GNG4: variants seen among roughly 807,000 people sequenced by gnomAD.
GNG4 encodes the protein guanine nucleotide-binding protein G(I)/G(S)/G(O) subunit gamma-4.
GNG4 carries 4 observed loss-of-function variants against 5.8 expected under a neutral mutation model. The ratio of observed to expected loss-of-function variants is 0.69; its 90% CI spans 0.34 to 1.57. The LOEUF is 1.57. GNG4 is among the 40% of genes most tolerant of loss of function. GNG4 has a pLI of 0.06. For synonymous variants in GNG4, 29 were observed against 32.9 expected (o/e 0.88, Z 0.41); for missense variants, 96 against 95.1 (o/e 1.01, Z -0.04).
At chr1:235,590,221 G>A (rs1284315560) in intron 2 of GNG4, among the ~76,000 whole-genome samples, 12 of 152,116 alleles carry the variant, frequency 7.9e-5, no homozygotes, top group Admixed American at 3.9e-4. Context: ...TTGGGAGGCC[G>A]AGGTGGGTGG....
intron 3 of GNG4, among the ~76,000 whole-genome samples, chr1:235,574,556 C>T (rs958295615): frequency 6.6e-6 from 1 of 151,642 alleles, no homozygotes. Flanking sequence ...GGTATGTGTT[C>T]GAGCCACTCT....
rs1481647050 is a variant in GNG4 at position 235,642,431 on chromosome 1, T to C, written c.-123+7231A>G. ...ACACTGTGATTCCCCGACGTGGGCC[T>C]GCAGCAAGAGACGGGTGCTAACAGC... On this transcript the variant is annotated intron_variant, in intron 1 of 3. Coordinates refer to ENST00000391854, the MANE Select transcript of GNG4 (RefSeq NM_001098722.2). The surrounding 1 kb of genome is among the most constrained non-coding windows in gnomAD (Gnocchi z 4.3). Among the ~76,000 whole-genome samples, 2 of 152,182 alleles carry C rather than the reference T, an allele frequency of 1.3e-5. No individual in the cohort carries two copies. Among genetic ancestry groups the C allele is most frequent in the Non-Finnish European group, 2.9e-5 (2 of 68,032 alleles).
At chr1:235,593,320 A>AC (rs1558489253) in intron 2 of GNG4, among the ~76,000 whole-genome samples, 2 of 152,196 alleles carry the variant, frequency 1.3e-5, no homozygotes, top group African/African-American at 2.4e-5. Context: ...GGGCTGGGAG[A>AC]CCAATGCAAG....
chr1:235,554,736 T>C (rs1040531174), intron 3 of GNG4, among the ~76,000 whole-genome samples: 1 of 150,866 alleles, frequency 6.6e-6, no homozygotes, highest in African/African-American at 2.4e-5. Context: ...TCCCAGCTAC[T>C]CAGGAGGCTG....
At chr1:235,645,214 A>G (rs1657471563) in intron 1 of GNG4, among the ~76,000 whole-genome samples, 1 of 152,164 alleles carries the variant, frequency 6.6e-6, no homozygotes, top group Admixed American at 6.5e-5. Flanking sequence ...CCTGAGCCAC[A>G]GAGTCCTGCT....
chr1:235,634,656 T>C (rs1445290720), intron 1 of GNG4, among the ~76,000 whole-genome samples: 1 of 152,158 alleles, frequency 6.6e-6, no homozygotes, highest in African/African-American at 2.4e-5. Context: ...CTGCCTTCCT[T>C]TGCTGGCTGG....
intron 3 of GNG4, among the ~76,000 whole-genome samples, chr1:235,570,923 TACACAC>T (rs1553365414): frequency 1.0e-4 from 10 of 97,348 alleles, no homozygotes; most frequent in East Asian, 5.4e-4. Flanking sequence ...CATATATATA[TACACAC>T]ACACACACAC....
At position 235,648,104 on chromosome 1, in the gene GNG4, G is replaced by A. The variant is rs1489314203; in HGVS notation, c.-123+1558C>T. 6.6e-6 allele frequency among the ~76,000 whole-genome samples: 1 copy of A among 151,814 alleles called. No homozygotes were observed. Among genetic ancestry groups the A allele is most frequent in the Non-Finnish European group, 1.5e-5 (1 of 68,012 alleles). On this transcript the variant is annotated intron_variant, in intron 1 of 3. Coordinates refer to ENST00000391854, the MANE Select transcript of GNG4 (RefSeq NM_001098722.2). The surrounding 1 kb of genome is among the most constrained non-coding windows in gnomAD (Gnocchi z 5.0). ...GACTGCTGGGAATGGCCCCTTAGCT[G>A]TGCTGTTTCTGAGCCAGGCCTACAT...
chr1:235,624,833 T>G (rs754173321), intron 1 of GNG4, among the ~76,000 whole-genome samples: 12 of 152,208 alleles, frequency 7.9e-5, no homozygotes, highest in Non-Finnish European at 1.5e-4. Context: ...GTTATTTGCT[T>G]GGCCAGTAGT....
chr1:235,574,278 G>A (rs1350405355), intron 3 of GNG4, among the ~76,000 whole-genome samples: 5 of 152,092 alleles, frequency 3.3e-5, no homozygotes, highest in Admixed American at 6.5e-5. Context: ...GGCTGAGGCA[G>A]GAGAATCGCT....
chr1:235,599,301 G>A (rs1324912700), intron 1 of GNG4, among the ~76,000 whole-genome samples: 1 of 147,134 alleles, frequency 6.8e-6, no homozygotes, highest in Non-Finnish European at 1.5e-5. Flanking sequence ...TTTTGTTGTC[G>A]TTGTTTGTTT....
intron 3 of GNG4, among the ~76,000 whole-genome samples, chr1:235,553,181 T>C (rs770757715): frequency 6.6e-5 from 10 of 152,204 alleles, no homozygotes; most frequent in South Asian, 4.1e-4. Context: ...ATGGCAGTTG[T>C]GCATCAAACT....
chr1:235,578,704 T>C (rs2102936638), intron 3 of GNG4, among the ~76,000 whole-genome samples: 1 of 152,268 alleles, frequency 6.6e-6, no homozygotes, highest in Admixed American at 6.5e-5. Context: ...CTCACTTATA[T>C]GTGGAGTGTA....
At position 235,648,244 on chromosome 1, in the gene GNG4, C is replaced by T. The variant is rs1335785642; in HGVS notation, c.-123+1418G>A. 6.6e-6 allele frequency among the ~76,000 whole-genome samples: 1 copy of T among 152,130 alleles called. No homozygotes were observed. The highest frequency in any genetic ancestry group is 1.5e-5 in the Non-Finnish European group (1 of 68,020). On this transcript the variant is annotated intron_variant, in intron 1 of 3. Coordinates refer to ENST00000391854, the MANE Select transcript of GNG4 (RefSeq NM_001098722.2). The surrounding 1 kb of genome is among the most constrained non-coding windows in gnomAD (Gnocchi z 5.0). The stretch of plus-strand genomic sequence containing the variant: ...AAATAGTCATTTCAGCCTAACTAAC[C>T]CCATGGTGAGGCTGCTCATTAACAG...
At position 235,612,427 on chromosome 1, in the gene GNG4, C is replaced by T. The variant is rs141466250; in HGVS notation, c.-122-16916G>A. On this transcript the variant is annotated intron_variant, in intron 1 of 3. Transcript: ENST00000391854. ...CCTTCACAGGGAGGTGCAGGGTCTG[C>T]GTGGGAAGATGCGCACCACAGGGCA... 1.6e-4 allele frequency among the ~76,000 whole-genome samples: 24 copies of T among 152,012 alleles called. No individual in the cohort carries two copies. In the East Asian group the frequency reaches 3.5e-3, roughly 22 times the overall value.
At chr1:235,631,836 G>A (rs1219473228) in intron 1 of GNG4, among the ~76,000 whole-genome samples, 5 of 152,078 alleles carry the variant, frequency 3.3e-5, no homozygotes, top group East Asian at 1.9e-4. Context: ...CCAAAGTGCC[G>A]GGATTACAGG....
intron 3 of GNG4, among the ~76,000 whole-genome samples, chr1:235,555,784 G>A (rs1186019980): frequency 1.3e-5 from 2 of 151,790 alleles, no homozygotes; most frequent in Admixed American, 6.6e-5. Flanking sequence ...ATACATTATA[G>A]AATGGCTAAA....
rs1450624043 is a variant in GNG4 at position 235,550,496 on chromosome 1, G to C, written c.*1613C>G. ...AACTACATAAACGCTTTGTGCCTCA[G>C]TTTCCCCTCACTCTAAGACATACGG... is the stretch of plus-strand genomic sequence containing the variant. On this transcript the variant is annotated 3_prime_UTR_variant, in exon 4 of 4. Transcript: ENST00000391854. The C allele has an allele frequency of 7.5e-6, 1 of 132,688 alleles. No individual in the cohort carries two copies. Among genetic ancestry groups the C allele is most frequent in the Non-Finnish European group, 1.7e-5 (1 of 59,144 alleles). The allele number at this position is 132,688 out of a possible 1,614,324, so 8.2% of individuals were successfully genotyped here.
chr1:235,617,150 C>T lies in GNG4; in HGVS notation c.-122-21639G>A, dbSNP rs564263449. On this transcript the variant is annotated intron_variant, in intron 1 of 3. Coordinates refer to ENST00000391854, the MANE Select transcript of GNG4 (RefSeq NM_001098722.2). ...AAGAGGTGAATCCATAGTTTGGGGCCCATGACATTGGCTGGGCATCCTGGA... is the reference window on the plus strand; with the variant it reads ...AAGAGGTGAATCCATAGTTTGGGGCTCATGACATTGGCTGGGCATCCTGGA... Among the ~76,000 whole-genome samples, 10 of 152,176 alleles carry T rather than the reference C, an allele frequency of 6.6e-5. No homozygotes were observed. In the South Asian group the frequency reaches 1.9e-3, roughly 28 times the overall value.
Sources: allele counts gnomAD v4.1 joint callset (sites outside exome capture counted in the v4.1 genomes callset), GRCh38; gene constraint gnomAD v4.1.1; non-coding constraint Gnocchi (gnomAD v3.1); transcripts MANE v1.5; gene names NCBI Gene and HGNC (gene_info 2026-07-23, HGNC 2026-07-21).